Variants in CSMD1 observed in about 807,000 individuals in gnomAD.
CSMD1 encodes CUB and sushi domain-containing protein 1.
A neutral mutation model predicts 417.5 loss-of-function variants in CSMD1; 213 were observed. The observed-to-expected ratio is 0.51, with a 90% CI of 0.46 to 0.57. The LOEUF (loss-of-function observed/expected upper bound fraction) is 0.57, where lower values mean the gene tolerates loss of function less well. Among genes scored for constraint, CSMD1 ranks in the 20% least tolerant of loss-of-function variants. The pLI, the probability that CSMD1 is intolerant of heterozygous loss-of-function variation, is 0.00. For synonymous variants in CSMD1, 2,862 were observed against 1,736.8 expected (o/e 1.65, Z -16.11); for missense variants, 6,923 against 4,529.7 (o/e 1.53, Z -15.17).
chr8:3,176,008 T>C (rs1369320229), intron 37 of CSMD1, among the ~76,000 whole-genome samples: 2 of 152,044 alleles, frequency 1.3e-5, no homozygotes, highest in African/African-American at 2.4e-5. Flanking sequence ...ACCAATTAGG[T>C]TTAGGATATT....
intron 26 of CSMD1, among the ~76,000 whole-genome samples, chr8:3,235,825 T>G (rs1799116077): frequency 6.6e-6 from 1 of 152,138 alleles, no homozygotes; most frequent in South Asian, 2.1e-4. Context: ...AATTAAAAGT[T>G]TTAAACTTGT....
chr8:3,304,470 T>C (rs1357753710), intron 25 of CSMD1, among the ~76,000 whole-genome samples: 1 of 152,172 alleles, frequency 6.6e-6, no homozygotes, highest in South Asian at 2.1e-4. Context: ...ATTTATGTTA[T>C]TCATGAAGAG....
At chr8:3,076,424 G>C (rs572953391) in intron 49 of CSMD1, among the ~76,000 whole-genome samples, 32 of 74,552 alleles carry the variant, frequency 4.3e-4, no homozygotes, top group African/African-American at 2.1e-3. Context: ...CCCATTCTAA[G>C]GTACTGGCAG....
At position 4,452,470 on chromosome 8, in the gene CSMD1, A is replaced by G. The variant is rs770674314; in HGVS notation, c.303-32405T>C. Among the ~76,000 whole-genome samples the G allele has an allele frequency of 7.2e-5, 11 of 152,192 alleles. 1 individual carries two copies. The highest frequency in any genetic ancestry group is 1.0e-4 in the Non-Finnish European group (7 of 68,036). ...TAATCCTGTCAGGCATTACCCACTC[A>G]TATTTGAGCAAACCATGACCTGCTA... On this transcript the variant is annotated intron_variant, in intron 2 of 69. Coordinates refer to ENST00000635120, the MANE Select transcript of CSMD1 (RefSeq NM_033225.6).
At chr8:4,449,145 G>T (rs867712573) in intron 2 of CSMD1, among the ~76,000 whole-genome samples, 1 of 152,174 alleles carries the variant, frequency 6.6e-6, no homozygotes, top group South Asian at 2.1e-4. Context: ...ACCAGACTTT[G>T]CAAATATTTA....
At chr8:3,828,977 G>C (rs1414807317) in intron 5 of CSMD1, among the ~76,000 whole-genome samples, 1 of 151,946 alleles carries the variant, frequency 6.6e-6, no homozygotes, top group East Asian at 1.9e-4. Context: ...AGTTCCTTAG[G>C]GTTTTTACCC....
At chr8:3,526,647 G>A (rs13260948) in intron 10 of CSMD1, among the ~76,000 whole-genome samples, 22 of 152,192 alleles carry the variant, frequency 1.4e-4, no homozygotes, top group Middle Eastern at 3.4e-3. Flanking sequence ...CTTCCCGATC[G>A]ATATTTTACA....
At chr8:4,559,122 T>C (rs950410296) in intron 2 of CSMD1, among the ~76,000 whole-genome samples, 8 of 152,192 alleles carry the variant, frequency 5.3e-5, no homozygotes, top group African/African-American at 1.9e-4. Context: ...TGGGGTTAAA[T>C]ACGCAAATAG....
At chr8:3,038,353 C>G (rs1810832526) in intron 50 of CSMD1, among the ~76,000 whole-genome samples, 1 of 152,266 alleles carries the variant, frequency 6.6e-6, no homozygotes, top group African/African-American at 2.4e-5. Flanking sequence ...AATCCAACCC[C>G]TGGGAAGGAT....
intron 1 of CSMD1, among the ~76,000 whole-genome samples, chr8:4,936,453 G>A (rs1352909493): frequency 6.6e-6 from 1 of 152,162 alleles, no homozygotes; most frequent in Admixed American, 6.5e-5. Flanking sequence ...TTTTTGTCCA[G>A]AACATCTTAT....
chr8:4,772,783 G>C (rs1796664722), intron 1 of CSMD1, among the ~76,000 whole-genome samples: 1 of 152,158 alleles, frequency 6.6e-6, no homozygotes, highest in Non-Finnish European at 1.5e-5. Flanking sequence ...CAGTCTTCCA[G>C]GGCTTAAGGT....
chr8:3,506,480 A>C (rs1480815474), intron 10 of CSMD1, among the ~76,000 whole-genome samples: 3 of 152,218 alleles, frequency 2.0e-5, no homozygotes, highest in South Asian at 2.1e-4. Flanking sequence ...AGGGGGAATA[A>C]GTTACTTCCA....
At chr8:4,128,696 C>T (rs886853782) in intron 3 of CSMD1, among the ~76,000 whole-genome samples, 2 of 152,086 alleles carry the variant, frequency 1.3e-5, no homozygotes, top group African/African-American at 4.8e-5. Flanking sequence ...CAACCTCACG[C>T]CCACACACTG....
At chr8:4,031,268 C>A (rs1037164380) in intron 4 of CSMD1, among the ~76,000 whole-genome samples, 4 of 152,114 alleles carry the variant, frequency 2.6e-5, no homozygotes, top group African/African-American at 7.2e-5. Flanking sequence ...TGAGCCTGGG[C>A]AATTTACAAA....
At chr8:4,625,245 A>G (rs1468421869) in intron 2 of CSMD1, among the ~76,000 whole-genome samples, 2 of 152,042 alleles carry the variant, frequency 1.3e-5, no homozygotes, top group African/African-American at 4.8e-5. Flanking sequence ...AGCACAAGTC[A>G]CCTGCTTGGA....
intron 6 of CSMD1, among the ~76,000 whole-genome samples, chr8:3,709,370 C>G (rs528630028): frequency 8.5e-5 from 13 of 152,268 alleles, no homozygotes; most frequent in Admixed American, 5.2e-4. Flanking sequence ...GCCCCATGAC[C>G]TAGGTAAGTT....
chr8:4,123,216 C>G (rs533898649), intron 3 of CSMD1, among the ~76,000 whole-genome samples: 10 of 152,150 alleles, frequency 6.6e-5, no homozygotes, highest in African/African-American at 1.9e-4. Flanking sequence ...TCCTTAGAGC[C>G]AAGTTCACAG....
chr8:4,810,876 C>G (rs1585137868), intron 1 of CSMD1, among the ~76,000 whole-genome samples: 1 of 152,230 alleles, frequency 6.6e-6, no homozygotes, highest in Non-Finnish European at 1.5e-5. Context: ...AAAACTGTAA[C>G]AGCCTTGTGT....
At chr8:4,192,371 CTT>C (rs1483295111) in intron 3 of CSMD1, among the ~76,000 whole-genome samples, 1 of 152,180 alleles carries the variant, frequency 6.6e-6, no homozygotes, top group Non-Finnish European at 1.5e-5. Flanking sequence ...CTTAGAGACT[CTT>C]TCTCTTGCTC....
Sources: gnomAD v4.1 joint callset for allele counts (sites outside exome capture counted in the v4.1 genomes callset) on GRCh38, gnomAD v4.1.1 for gene constraint, MANE v1.5 for transcripts, NCBI Gene and HGNC (gene_info 2026-07-23, HGNC 2026-07-21) for gene names.